The following GLO1 variants were observed in gnomAD, a reference collection of about 807,000 sequenced individuals.
The protein encoded by GLO1 is glyoxalase I, also known as lactoylglutathione lyase.
A neutral mutation model predicts 26.0 loss-of-function variants in GLO1; 28 were observed. The ratio of observed to expected loss-of-function variants is 1.08; its 90% CI spans 0.80 to 1.48. The LOEUF (loss-of-function observed/expected upper bound fraction) is 1.48. Ranked by LOEUF, GLO1 falls within the 40% of genes most tolerant of loss-of-function variation. The probability of loss-of-function intolerance (pLI) is 0.00; values close to 1 mark genes in which losing one functional copy is unlikely to be tolerated. For synonymous variants in GLO1, 78 were observed against 77.6 expected, an observed-to-expected ratio of 1.00 and a Z score of -0.03; for missense variants, 225 against 224.8, an observed-to-expected ratio of 1.00 and a Z score of -0.01.
Position 38,703,112 on chromosome 6 carries a change from T to C in GLO1, c.-58A>G. ...CAAGGAACGGAGGAGTCACCCACACTACGCCTCGGCCCTGTGCCGCCTTAA... is the reference window on the plus strand; with the variant it reads ...CAAGGAACGGAGGAGTCACCCACACCACGCCTCGGCCCTGTGCCGCCTTAA... On this transcript the variant is annotated 5_prime_UTR_variant, in exon 1 of 6. Transcript: ENST00000373365. 1.0e-6 allele frequency: 1 copy of C among 1,001,314 alleles called. No homozygotes were observed. The highest frequency in any genetic ancestry group is 2.1e-4 in the Middle Eastern group (1 of 4,814). The allele number at this position is 1,001,314 out of a possible 1,614,324, so 62.0% of individuals were successfully genotyped here.
At position 38,682,869 on chromosome 6, in the gene GLO1, C is replaced by T. The variant is rs1193283376; in HGVS notation, c.315G>A (p.Trp105Ter). 3 of 1,574,592 alleles carry T rather than the reference C, an allele frequency of 1.9e-6. No homozygotes were observed. Among genetic ancestry groups the T allele is most frequent in the Non-Finnish European group, 2.6e-6 (3 of 1,143,680 alleles). ...RKATLELTHN[W>*]GTEDDETQSY... The stretch of plus-strand genomic sequence containing the variant: ...TCTGGGTCTCATCATCTTCAGTGCC[C>T]CAATTGCTACAAAAGGAAGGAAAAC... Residue 105 changes from tryptophan (W) to a stop codon, truncating the protein, a stop_gained, in exon 4 of 6, where the codon TGG becomes TGA. Transcript: ENST00000373365. LOFTEE classifies it high-confidence loss of function.
At chr6:38,681,769 T>C (rs1582774183) in intron 5 of GLO1, among the ~76,000 whole-genome samples, 2 of 152,178 alleles carry the variant, frequency 1.3e-5, no homozygotes, top group African/African-American at 2.4e-5. Flanking sequence ...AGAGGAAGCG[T>C]AGGGTTTTGA....
chr6:38,701,083 T>C (rs772469152), intron 1 of GLO1, among the ~76,000 whole-genome samples: 3 of 152,210 alleles, frequency 2.0e-5, no homozygotes, highest in Non-Finnish European at 4.4e-5. Context: ...CCAGCCTTCA[T>C]TGAGGTTTTT....
At position 38,682,054 on chromosome 6, in the gene GLO1, A is replaced by G; in HGVS notation, c.424T>C (p.Phe142Leu). ...VPDVYSACKRFEELGVKFVKK... is the reference protein window; with the variant it reads ...VPDVYSACKRLEELGVKFVKK... ...ACAAATTTGACTCCCAGTTCTTCAAACCTTTTACAAGCACTGTATACATCA... is the reference window on the plus strand; with the variant it reads ...ACAAATTTGACTCCCAGTTCTTCAAGCCTTTTACAAGCACTGTATACATCA... The change falls in exon 5 of 6, where the codon TTT becomes CTT. Residue 142 changes from phenylalanine (F) to leucine (L), a missense_variant. Phe to Leu is a conservative substitution (Grantham distance 22). Coordinates refer to ENST00000373365, the MANE Select transcript of GLO1 (RefSeq NM_006708.3). 1 of 1,598,164 alleles carries G rather than the reference A, an allele frequency of 6.3e-7. No homozygotes were observed. The highest frequency in any genetic ancestry group is 1.7e-4 in the Middle Eastern group (1 of 6,028).
intron 1 of GLO1, among the ~76,000 whole-genome samples, chr6:38,698,870 T>C (rs1338923089): frequency 6.6e-6 from 1 of 152,164 alleles, no homozygotes; most frequent in Non-Finnish European, 1.5e-5. Flanking sequence ...CTCATATCAC[T>C]TATCTCACCT....
At chr6:38,689,682 C>A (rs1477197327) in intron 1 of GLO1, among the ~76,000 whole-genome samples, 1 of 152,098 alleles carries the variant, frequency 6.6e-6, no homozygotes, top group African/African-American at 2.4e-5. Context: ...TGCAGTGGCT[C>A]ACGCCTGTAA....
At chr6:38,693,683 C>CTATATATATATATATATA (rs1287585297) in intron 1 of GLO1, among the ~76,000 whole-genome samples, 1 of 82,458 alleles carries the variant, frequency 1.2e-5, no homozygotes, top group Non-Finnish European at 2.8e-5. Flanking sequence ...CTCTCTCTCT[C>CTATATATATATATATATA]TCTATATATA....
At chr6:38,693,581 T>C (rs1047337238) in intron 1 of GLO1, among the ~76,000 whole-genome samples, 2 of 151,990 alleles carry the variant, frequency 1.3e-5, no homozygotes, top group African/African-American at 2.4e-5. Context: ...TTTTCCTCTT[T>C]TATAATGTAT....
chr6:38,685,977 C>T (rs1231565316), intron 2 of GLO1, among the ~76,000 whole-genome samples: 1 of 152,200 alleles, frequency 6.6e-6, no homozygotes, highest in Non-Finnish European at 1.5e-5. Flanking sequence ...TAAAAGCTAC[C>T]TCCTAAGACT....
Position 38,677,305 on chromosome 6 carries a change from G to A in GLO1, c.545C>T (p.Thr182Ile), listed in dbSNP as rs778085190. The A allele has an allele frequency of 3.5e-6, 5 of 1,439,824 alleles. No individual in the cohort carries two copies. In the African/African-American group the frequency reaches 5.6e-5, roughly 16 times the overall value. The allele number at this position is 1,439,824 out of a possible 1,614,324, so 89.2% of individuals were successfully genotyped here. The change falls in exon 6 of 6, where the codon ACC becomes ATC. Residue 182 changes from threonine (T) to isoleucine (I), a missense_variant. Thr to Ile is a moderately conservative substitution (Grantham distance 89). Coordinates refer to ENST00000373365, the MANE Select transcript of GLO1 (RefSeq NM_006708.3). ...AGAATTCTCACAGCACTACATTAAG[G>A]TTGCCATTTTGTTAGGATTCAAAAT... is the stretch of plus-strand genomic sequence containing the variant. The part of the protein sequence containing the change: ...IEILNPNKMA[T>I]LM
At chr6:38,680,617 T>C (rs1051889785) in intron 5 of GLO1, among the ~76,000 whole-genome samples, 5 of 152,160 alleles carry the variant, frequency 3.3e-5, no homozygotes, top group African/African-American at 9.6e-5. Context: ...AGGCTGGGCA[T>C]AGTGGCTCAC....
chr6:38,683,418 G>C (rs1035773627), intron 3 of GLO1, among the ~76,000 whole-genome samples: 1 of 152,154 alleles, frequency 6.6e-6, no homozygotes, highest in Non-Finnish European at 1.5e-5. Context: ...ATTACAAAAT[G>C]GTTTGAAGAA....
Position 38,686,872 on chromosome 6 carries a change from C to A in GLO1, c.167+20G>T. 3 of 1,274,692 alleles carry A rather than the reference C, an allele frequency of 2.4e-6. 1 individual carries two copies. The highest frequency in any genetic ancestry group is 2.4e-5 in the South Asian group (2 of 82,006). 79.0% of individuals were successfully genotyped at this position (1,274,692 alleles called of 1,614,324 possible). ...AGCTATATATTTAAACATTAAGGTG[C>A]CAATAAGTACTTGACTTACGTCATT... On this transcript the variant is annotated intron_variant, in intron 2 of 5. Coordinates refer to ENST00000373365, the MANE Select transcript of GLO1 (RefSeq NM_006708.3).
Position 38,677,136 on chromosome 6 carries a change from T to A in GLO1, c.*159A>T, listed in dbSNP as rs554635238. 1 of 642,052 alleles carries A rather than the reference T, an allele frequency of 1.6e-6. No homozygotes were observed. Among genetic ancestry groups the A allele is most frequent in the East Asian group, 2.7e-5 (1 of 36,554 alleles). 39.8% of individuals were successfully genotyped at this position (642,052 alleles called of 1,614,324 possible). A position where few individuals can be genotyped will look rare whatever the true frequency, so the allele number is the denominator to read the frequency against. ...TTGAAAACCAGAATGACTGAACAGT[T>A]AGGTGAAAAGGAACAGCTGAAATAG... On this transcript the variant is annotated 3_prime_UTR_variant, in exon 6 of 6. Coordinates refer to ENST00000373365, the MANE Select transcript of GLO1 (RefSeq NM_006708.3).
chr6:38,682,859 C>T lies in GLO1; in HGVS notation c.325G>A (p.Asp109Asn), dbSNP rs1164985374. The T allele has an allele frequency of 1.3e-6, 2 of 1,592,058 alleles. No homozygotes were observed. The highest frequency in any genetic ancestry group is 8.6e-7 in the Non-Finnish European group (1 of 1,159,760). The change falls in exon 4 of 6, where the codon GAT (aspartate) becomes AAT (asparagine). Residue 109 changes from aspartate (D) to asparagine (N), a missense_variant. Physicochemically the swap from Asp to Asn is conservative, Grantham distance 23. Transcript: ENST00000373365. ...TTGTGGTAACTCTGGGTCTCATCAT[C>T]TTCAGTGCCCCAATTGCTACAAAAG... Reference protein sequence around the residue: ...LELTHNWGTEDDETQSYHNGN... With the variant: ...LELTHNWGTENDETQSYHNGN...
At chr6:38,678,338 GAAAGAGAGAA>G (rs1161109286) in intron 5 of GLO1, among the ~76,000 whole-genome samples, 1 of 150,738 alleles carries the variant, frequency 6.6e-6, no homozygotes, top group Non-Finnish European at 1.5e-5. Context: ...AAGAGAAAGA[GAAAGAGAGAA>G]AGAGAGAAGG....
chr6:38,679,073 C>G (rs1761323878), intron 5 of GLO1, among the ~76,000 whole-genome samples: 1 of 152,106 alleles, frequency 6.6e-6, no homozygotes, highest in Non-Finnish European at 1.5e-5. Flanking sequence ...AAGCAATGGA[C>G]TGTAGATTCA....
intron 1 of GLO1, among the ~76,000 whole-genome samples, chr6:38,687,581 A>G (rs927251807): frequency 1.3e-5 from 2 of 152,260 alleles, no homozygotes; most frequent in African/African-American, 4.8e-5. Flanking sequence ...AAGGGTAAAA[A>G]GTTACTGTTG....
At chr6:38,689,153 T>G (rs1389996575) in intron 1 of GLO1, among the ~76,000 whole-genome samples, 1 of 152,124 alleles carries the variant, frequency 6.6e-6, no homozygotes, top group Non-Finnish European at 1.5e-5. Flanking sequence ...GGAAAGAAAC[T>G]GAATTCAGGG....
Sources: gnomAD v4.1 joint callset for allele counts (sites outside exome capture counted in the v4.1 genomes callset) on GRCh38, gnomAD v4.1.1 for gene constraint, MANE v1.5 for transcripts, NCBI Gene and HGNC (gene_info 2026-07-23, HGNC 2026-07-21) for gene names.